Variants in GPC5 observed in about 807,000 individuals in gnomAD.
GPC5 encodes glypican-5.
GPC5 carries 47 observed loss-of-function variants against 53.9 expected under a neutral mutation model. The observed-to-expected ratio is 0.87, with a 90% CI of 0.69 to 1.11. The LOEUF (loss-of-function observed/expected upper bound fraction) is 1.11. Among genes scored for constraint, GPC5 ranks in the 50% most tolerant of loss-of-function variants. GPC5 has a pLI of 0.00. For synonymous variants in GPC5, 286 were observed against 263.3 expected (o/e 1.09, Z -0.84); for missense variants, 748 against 713.1 (o/e 1.05, Z -0.56).
At chr13:91,612,399 A>G (rs2033580523) in intron 2 of GPC5, among the ~76,000 whole-genome samples, 1 of 151,954 alleles carries the variant, frequency 6.6e-6, no homozygotes, top group Non-Finnish European at 1.5e-5. Flanking sequence ...AGATTTTGAT[A>G]AGTTTTCCAT....
chr13:91,954,710 AT>A (rs1255429299), intron 6 of GPC5, among the ~76,000 whole-genome samples: 2 of 152,072 alleles, frequency 1.3e-5, no homozygotes, highest in Admixed American at 6.5e-5. Flanking sequence ...TTAAGTACTA[AT>A]TCTGTTCCAT....
chr13:92,005,192 C>G (rs921531527), intron 6 of GPC5, among the ~76,000 whole-genome samples: 3 of 152,142 alleles, frequency 2.0e-5, no homozygotes, highest in Admixed American at 2.0e-4. Flanking sequence ...AAACTAAAGT[C>G]GGTTAAGATT....
intron 2 of GPC5, among the ~76,000 whole-genome samples, chr13:91,672,415 G>C (rs1374782447): frequency 6.6e-6 from 1 of 152,178 alleles, no homozygotes; most frequent in East Asian, 1.9e-4. Flanking sequence ...CCATCAAAAA[G>C]TGGGCAAAGG....
At chr13:92,207,423 C>T (rs1266083604) in intron 7 of GPC5, among the ~76,000 whole-genome samples, 1 of 152,312 alleles carries the variant, frequency 6.6e-6, no homozygotes, top group Admixed American at 6.5e-5. Context: ...GAAACCACTA[C>T]ATCGGATAGC....
At chr13:92,694,160 A>G (rs959408360) in intron 7 of GPC5, among the ~76,000 whole-genome samples, 3 of 152,214 alleles carry the variant, frequency 2.0e-5, no homozygotes, top group Non-Finnish European at 4.4e-5. Context: ...ATGTATGGAA[A>G]TGCCTGGATG....
intron 7 of GPC5, among the ~76,000 whole-genome samples, chr13:92,373,698 T>C (rs1483416312): frequency 6.6e-6 from 1 of 152,194 alleles, no homozygotes; most frequent in Non-Finnish European, 1.5e-5. Flanking sequence ...CAGCACAGCA[T>C]GAGGTTATAA....
At chr13:92,791,301 G>A (rs532548350) in intron 7 of GPC5, among the ~76,000 whole-genome samples, 164 of 151,508 alleles carry the variant, frequency 1.1e-3, no homozygotes, top group African/African-American at 3.9e-3. Context: ...CTGGGTCAAG[G>A]AAATAAAAAA....
At chr13:92,641,316 G>A (rs1566337201) in intron 7 of GPC5, among the ~76,000 whole-genome samples, 1 of 151,902 alleles carries the variant, frequency 6.6e-6, no homozygotes, top group Non-Finnish European at 1.5e-5. Flanking sequence ...GTATAACCGA[G>A]TCTAATCATG....
chr13:91,776,521 G>A (rs1033437237), intron 5 of GPC5, among the ~76,000 whole-genome samples: 15 of 152,116 alleles, frequency 9.9e-5, no homozygotes, highest in African/African-American at 3.6e-4. Flanking sequence ...TATTAAAGAG[G>A]TGTCATTATT....
intron 5 of GPC5, among the ~76,000 whole-genome samples, chr13:91,797,360 AT>A (rs1394014635): frequency 6.6e-6 from 1 of 152,310 alleles, no homozygotes; most frequent in East Asian, 1.9e-4. Context: ...TGAAAAACTT[AT>A]TTTTAGCAGT....
chr13:92,611,188 A>C (rs1420419667), intron 7 of GPC5, among the ~76,000 whole-genome samples: 1 of 152,166 alleles, frequency 6.6e-6, no homozygotes, highest in African/African-American at 2.4e-5. Flanking sequence ...CTTATAAACC[A>C]GGTATATTTA....
chr13:92,500,381 C>T, intron 7 of GPC5, among the ~76,000 whole-genome samples: 1 of 152,172 alleles, frequency 6.6e-6, no homozygotes, highest in East Asian at 1.9e-4. Flanking sequence ...CTCAAGTAAA[C>T]ACCATTAGAA....
intron 6 of GPC5, among the ~76,000 whole-genome samples, chr13:92,033,802 A>G (rs2040872088): frequency 6.6e-6 from 1 of 152,226 alleles, no homozygotes; most frequent in Admixed American, 6.5e-5. Context: ...TCCCTTCAGT[A>G]GGAACTGCCA....
At chr13:91,448,722 T>G in intron 1 of GPC5, 39 bp from the exon 2 acceptor site, 1 of 1,598,830 alleles carries the variant, frequency 6.3e-7, no homozygotes, top group Non-Finnish European at 8.5e-7. Context: ...ACTTGTTAAA[T>G]GAACAGGTAA....
intron 2 of GPC5, among the ~76,000 whole-genome samples, chr13:91,554,674 G>T (rs1352232041): frequency 7.2e-5 from 11 of 152,216 alleles, no homozygotes; most frequent in Non-Finnish European, 1.0e-4. Context: ...ATTAGAGTCA[G>T]TGCAAGTGCT....
intron 7 of GPC5, among the ~76,000 whole-genome samples, chr13:92,742,059 C>T (rs1383701576): frequency 2.0e-5 from 3 of 151,830 alleles, no homozygotes; most frequent in Admixed American, 1.3e-4. Context: ...GTGCATGTGT[C>T]TTTATAGCAG....
At chr13:92,464,209 C>T (rs1878602396) in intron 7 of GPC5, among the ~76,000 whole-genome samples, 1 of 152,112 alleles carries the variant, frequency 6.6e-6, no homozygotes, top group Admixed American at 6.6e-5. Flanking sequence ...GACGACATAT[C>T]TTCCTTCAAA....
chr13:92,468,535 A>C (rs1420071130), intron 7 of GPC5, among the ~76,000 whole-genome samples: 1 of 152,160 alleles, frequency 6.6e-6, no homozygotes, highest in Non-Finnish European at 1.5e-5. Context: ...AAAGACAGGA[A>C]TATAAATACA....
intron 7 of GPC5, among the ~76,000 whole-genome samples, chr13:92,674,730 T>G (rs983205943): frequency 2.2e-4 from 33 of 152,114 alleles, no homozygotes; most frequent in Admixed American, 2.0e-3. Flanking sequence ...CTATGTCTAC[T>G]GCAAAGTACA....
Sources: gnomAD v4.1 joint callset for allele counts (sites outside exome capture counted in the v4.1 genomes callset) on GRCh38, gnomAD v4.1.1 for gene constraint, MANE v1.5 for transcripts, NCBI Gene and HGNC (gene_info 2026-07-23, HGNC 2026-07-21) for gene names.